The following GALNT3 variants were observed in gnomAD, a reference collection of about 807,000 sequenced individuals.
The protein encoded by GALNT3 is polypeptide N-acetylgalactosaminyltransferase 3.
GALNT3 carries 51 observed loss-of-function variants against 69.8 expected under a neutral mutation model. The ratio of observed to expected loss-of-function variants is 0.73; its 90% CI spans 0.58 to 0.92. The LOEUF is 0.92. Among genes scored for constraint, GALNT3 ranks in the 40% least tolerant of loss-of-function variants. The probability of loss-of-function intolerance (pLI) is 0.00; values close to 1 mark genes in which losing one functional copy is unlikely to be tolerated. For missense variants in GALNT3, 711 were observed against 760.0 expected, an observed-to-expected ratio of 0.94 and a Z score of 0.76; for synonymous variants, 265 against 248.5, an observed-to-expected ratio of 1.07 and a Z score of -0.63.
At chr2:165,762,591 T>C (rs1057022234) in intron 3 of GALNT3, among the ~76,000 whole-genome samples, 1 of 152,218 alleles carries the variant, frequency 6.6e-6, no homozygotes, top group African/African-American at 2.4e-5. Flanking sequence ...GGACGATTCC[T>C]ACACAGAGTC....
intron 1 of GALNT3, among the ~76,000 whole-genome samples, chr2:165,771,081 T>C (rs1181693344): frequency 1.3e-5 from 2 of 152,056 alleles, no homozygotes; most frequent in African/African-American, 2.4e-5. Flanking sequence ...ATATACTATG[T>C]ATAAAATTAA....
intron 9 of GALNT3, among the ~76,000 whole-genome samples, chr2:165,750,288 C>T (rs765384268): frequency 1.3e-5 from 2 of 152,150 alleles, no homozygotes; most frequent in Non-Finnish European, 2.9e-5. Flanking sequence ...CTAGGGACTT[C>T]AGGGTGTTCA....
intron 9 of GALNT3, among the ~76,000 whole-genome samples, chr2:165,752,057 TA>T (rs574710318): frequency 1.9e-3 from 287 of 152,292 alleles, no homozygotes; most frequent in African/African-American, 6.6e-3. Flanking sequence ...AAGTCAGAAT[TA>T]AGTCCAAGTT....
At chr2:165,758,897 A>G (rs375576266) in intron 5 of GALNT3, 33 bp from the exon 6 acceptor site, 1 of 1,311,950 alleles carries the variant, frequency 7.6e-7, no homozygotes, top group Non-Finnish European at 1.1e-6. Context: ...ATTTTGTTAT[A>G]AAAACTAAAC....
At chr2:165,767,803 CATT>C (rs890671328) in intron 2 of GALNT3, among the ~76,000 whole-genome samples, 9 of 149,848 alleles carry the variant, frequency 6.0e-5, no homozygotes, top group Non-Finnish European at 1.0e-4. Flanking sequence ...GCATGGAAAA[CATT>C]AGCAGTTCTT....
At chr2:165,784,108 T>C (rs1182091389) in intron 1 of GALNT3, among the ~76,000 whole-genome samples, 1 of 152,158 alleles carries the variant, frequency 6.6e-6, no homozygotes, top group Non-Finnish European at 1.5e-5. Flanking sequence ...TGGCCTCAAG[T>C]AGGGTAATTT....
At chr2:165,764,799 T>A in intron 3 of GALNT3, 85 bp downstream of exon 3, 2 of 1,349,030 alleles carry the variant, frequency 1.5e-6, no homozygotes, top group Non-Finnish European at 2.1e-6. Flanking sequence ...TGAGATGGCA[T>A]ACAGAGAGTA....
chr2:165,751,597 A>G (rs993871132), intron 9 of GALNT3, among the ~76,000 whole-genome samples: 1 of 152,226 alleles, frequency 6.6e-6, no homozygotes, highest in African/African-American at 2.4e-5. Context: ...TGGTAACAAA[A>G]AAGAGCACAT....
At chr2:165,793,475 C>T (rs1157068132) in intron 1 of GALNT3, among the ~76,000 whole-genome samples, 1 of 152,236 alleles carries the variant, frequency 6.6e-6, no homozygotes, top group Non-Finnish European at 1.5e-5. Context: ...CTTTCCAAAC[C>T]ACTCGGAAAC....
intron 1 of GALNT3, among the ~76,000 whole-genome samples, chr2:165,783,746 C>A (rs1242591351): frequency 6.6e-6 from 1 of 152,098 alleles, no homozygotes; most frequent in Non-Finnish European, 1.5e-5. Flanking sequence ...CTATAGTTTA[C>A]TAACCCCTGC....
rs142259553 is a variant in GALNT3 at position 165,781,106 on chromosome 2, C to T, written c.-108-10298G>A. ...CTTTCCAGAGGCTCCATAGAGCATT[C>T]CTCTTTGGCACAGATACCAAGAGAG... is the stretch of plus-strand genomic sequence containing the variant. On this transcript the variant is annotated intron_variant, in intron 1 of 10. Coordinates refer to ENST00000392701, the MANE Select transcript of GALNT3 (RefSeq NM_004482.4). 2.9e-3 allele frequency among the ~76,000 whole-genome samples: 445 copies of T among 152,248 alleles called. 3 individuals carry two copies. Among genetic ancestry groups the T allele is most frequent in the Non-Finnish European group, 4.6e-3 (310 of 67,998 alleles).
intron 6 of GALNT3, 26 bp downstream of exon 6, chr2:165,758,721 G>T: frequency 1.6e-6 from 2 of 1,246,058 alleles, no homozygotes; most frequent in Admixed American, 1.7e-5. Context: ...TAATATATCT[G>T]CTATATTTAA....
intron 1 of GALNT3, among the ~76,000 whole-genome samples, chr2:165,773,058 G>A (rs1403184840): frequency 2.0e-5 from 3 of 152,184 alleles, no homozygotes; most frequent in Non-Finnish European, 4.4e-5. Context: ...TTTCAAGAGA[G>A]TCCAGGAAGT....
intron 10 of GALNT3, 98 bp from the exon 11 acceptor site, chr2:165,749,001 A>T: frequency 7.8e-7 from 1 of 1,274,726 alleles, no homozygotes; most frequent in Admixed American, 2.0e-5. Context: ...CAAACCTAAT[A>T]GCAAATCTTT....
intron 1 of GALNT3, among the ~76,000 whole-genome samples, chr2:165,774,110 C>T (rs919570210): frequency 3.3e-5 from 5 of 152,196 alleles, no homozygotes; most frequent in Admixed American, 3.3e-4. Context: ...TGGGGTCTCA[C>T]AGGAAAGTGG....
intron 6 of GALNT3, 80 bp from the exon 7 acceptor site, chr2:165,757,327 A>G: frequency 2.1e-6 from 3 of 1,404,684 alleles, no homozygotes; most frequent in Non-Finnish European, 2.0e-6. Context: ...CCTTTAAGGT[A>G]TTATGAAAAA....
At chr2:165,758,624 A>G (rs1296395789) in intron 6 of GALNT3, 123 bp downstream of exon 6, 3 of 674,104 alleles carry the variant, frequency 4.5e-6, no homozygotes, top group Non-Finnish European at 7.9e-6. Context: ...ATTTCCAGCA[A>G]TTAAGTTTCA....
At chr2:165,769,535 C>T (rs1396753645) in intron 2 of GALNT3, among the ~76,000 whole-genome samples, 4 of 151,708 alleles carry the variant, frequency 2.6e-5, no homozygotes, top group Non-Finnish European at 4.4e-5. Flanking sequence ...AGATGGATCA[C>T]CTGAGGTCAG....
intron 2 of GALNT3, among the ~76,000 whole-genome samples, chr2:165,769,441 A>AATAATAATAATAAT (rs1365934792): frequency 1.3e-5 from 1 of 79,902 alleles, no homozygotes; most frequent in African/African-American, 3.9e-5. Flanking sequence ...TAATAATAAT[A>AATAATAATAATAAT]AATAAATAAA....
Sources: allele counts gnomAD v4.1 joint callset (sites outside exome capture counted in the v4.1 genomes callset), GRCh38; gene constraint gnomAD v4.1.1; transcripts MANE v1.5; gene names NCBI Gene and HGNC (gene_info 2026-07-23, HGNC 2026-07-21).